Variants in EWSR1 observed in about 807,000 individuals in gnomAD.
EWSR1 encodes EWS RNA binding protein 1, also known as RNA-binding protein EWS.
A neutral mutation model predicts 92.1 loss-of-function variants in EWSR1; 14 were observed. That is an observed-to-expected ratio of 0.15 (90% CI 0.10 to 0.24). The LOEUF (loss-of-function observed/expected upper bound fraction) is 0.24, where lower values mean the gene tolerates loss of function less well. Among genes scored for constraint, EWSR1 ranks in the 10% least tolerant of loss-of-function variants. EWSR1 has a pLI of 1.00. For synonymous variants in EWSR1, 303 were observed against 292.9 expected, an observed-to-expected ratio of 1.03 and a Z score of -0.35; for missense variants, 637 against 870.9, an observed-to-expected ratio of 0.73 and a Z score of 3.38.
At chr22:29,287,226 G>T in intron 7 of EWSR1, 92 bp downstream of exon 7, 1 of 1,283,910 alleles carries the variant, frequency 7.8e-7, no homozygotes, top group South Asian at 1.3e-5. Flanking sequence ...TTTTTCTTTT[G>T]AGATGGAGTT....
chr22:29,271,181 A>G (rs893718766), intron 1 of EWSR1, among the ~76,000 whole-genome samples: 1 of 152,170 alleles, frequency 6.6e-6, no homozygotes, highest in Non-Finnish European at 1.5e-5. Flanking sequence ...TTCCGTCCTA[A>G]TGGCAGTACT....
chr22:29,282,912 G>T (rs1053529958), intron 6 of EWSR1, among the ~76,000 whole-genome samples: 1 of 151,842 alleles, frequency 6.6e-6, no homozygotes, highest in African/African-American at 2.4e-5. Flanking sequence ...ACGGGTGCCC[G>T]CCACCACGCC....
intron 8 of EWSR1, chr22:29,290,772 T>A: frequency 1.0e-6 from 1 of 964,672 alleles, no homozygotes; most frequent in Non-Finnish European, 1.3e-6. Context: ...GTATTAAAGG[T>A]GCAATACTGG....
intron 16 of EWSR1, 63 bp downstream of exon 16, chr22:29,299,914 C>T: frequency 6.5e-7 from 1 of 1,531,774 alleles, no homozygotes; most frequent in Non-Finnish European, 8.8e-7. Flanking sequence ...CCCTTCCCAG[C>T]TTGGTTGGCG....
chr22:29,282,309 A>G, intron 5 of EWSR1, 81 bp from the exon 6 acceptor site: 1 of 1,126,810 alleles, frequency 8.9e-7, no homozygotes, highest in Non-Finnish European at 1.2e-6. Context: ...GCTTTGTAGC[A>G]TTCTTACCCA....
intron 5 of EWSR1, among the ~76,000 whole-genome samples, chr22:29,280,915 C>T (rs1399983409): frequency 2.3e-5 from 3 of 131,796 alleles, no homozygotes; most frequent in East Asian, 2.1e-4. Context: ...AGTCTTGCTC[C>T]GTCGCCCAGG....
At chr22:29,271,555 C>T (rs2058684293) in intron 1 of EWSR1, among the ~76,000 whole-genome samples, 1 of 152,136 alleles carries the variant, frequency 6.6e-6, no homozygotes, top group Non-Finnish European at 1.5e-5. Flanking sequence ...TCTTCTTTGC[C>T]AGTCTTCAGG....
In EWSR1 at chr22:29,288,598, T is replaced by A; in HGVS notation, c.794-8T>A. ...GTCCATGGCTTACAGATGTGACTCT[T>A]TCCTCAGGTTCATTCCGACAGGACC... On this transcript the variant is annotated splice_region_variant and splice_polypyrimidine_tract_variant and intron_variant, in intron 7 of 16. Transcript: ENST00000397938. The A allele has an allele frequency of 6.2e-7, 1 of 1,606,748 alleles. No individual in the cohort carries two copies.
intron 3 of EWSR1, 128 bp from the exon 4 acceptor site, chr22:29,273,599 CTTGTTTTGTTGTTT>C (rs1330709690): frequency 3.3e-6 from 3 of 913,736 alleles, no homozygotes; most frequent in South Asian, 1.8e-5. Flanking sequence ...GATTATTTGT[CTTGTTTTGTTGTTT>C]TTGTTTTGTT....
intron 15 of EWSR1, 90 bp downstream of exon 15, chr22:29,299,421 T>A (rs2061157112): frequency 1.3e-6 from 2 of 1,530,142 alleles, no homozygotes; most frequent in Admixed American, 4.3e-5. Flanking sequence ...AGTTGCCCTC[T>A]GCTTAACAAC....
intron 1 of EWSR1, 78 bp from the exon 2 acceptor site, chr22:29,272,138 G>C: frequency 1.5e-6 from 2 of 1,320,714 alleles, no homozygotes; most frequent in South Asian, 2.4e-5. Flanking sequence ...TTCCTGCCAC[G>C]TGAATTCTTT....
chr22:29,292,762 C>CTTTTTT (rs34395867), intron 11 of EWSR1, among the ~76,000 whole-genome samples, 156 bp downstream of exon 11: 21 of 100,834 alleles, frequency 2.1e-4, no homozygotes, highest in African/African-American at 8.1e-4. Context: ...AAAGATTAGC[C>CTTTTTT]TTTTTTTTTT....
intron 7 of EWSR1, 35 bp downstream of exon 7, chr22:29,287,169 A>T: frequency 6.3e-7 from 1 of 1,595,954 alleles, no homozygotes; most frequent in Non-Finnish European, 8.6e-7. Flanking sequence ...AATAAGAATG[A>T]ATGTGTTTAG....
chr22:29,273,660 G>A, intron 3 of EWSR1, 81 bp from the exon 4 acceptor site: 1 of 1,485,846 alleles, frequency 6.7e-7, no homozygotes, highest in East Asian at 2.3e-5. Flanking sequence ...TTTGATTTTG[G>A]TTCTCCAATT....
At position 29,298,858 on chromosome 22, in the gene EWSR1, G is replaced by A. The variant is rs535564625; in HGVS notation, c.1543G>A (p.Val515Ile). 6.4e-6 allele frequency: 10 copies of A among 1,573,532 alleles called. No homozygotes were observed. The highest frequency in any genetic ancestry group is 4.7e-5 in the South Asian group (4 of 84,782). The change falls in exon 14 of 17, where the codon GTC (valine) becomes ATC (isoleucine). Residue 515 changes from valine (V) to isoleucine (I), a missense_variant. Around this residue, in one of 5 missense-constraint regions of EWSR1, gnomAD observed 363 missense variants for 447.8 expected, o/e 0.81. Transcript: ENST00000397938. ...AGGGAACCCCTCTGGAGGAGGAAAC[G>A]TCCAGCACCGAGCTGGAGACTGGCA... ...SRGNPSGGGN[V>I]QHRAGDWQCP...
At chr22:29,298,462 G>A (rs1039229165) in intron 13 of EWSR1, among the ~76,000 whole-genome samples, 1 of 150,350 alleles carries the variant, frequency 6.7e-6, no homozygotes, top group Admixed American at 6.6e-5. Flanking sequence ...AGCAAAGATC[G>A]TGCCACTGCA....
chr22:29,290,282 A>C, intron 8 of EWSR1: 7 of 766,940 alleles, frequency 9.1e-6, no homozygotes. Flanking sequence ...GATGGTTTTC[A>C]GTGTCTTGTA....
Position 29,285,032 on chromosome 22 carries a change from T to C in EWSR1, c.582-1891T>C, listed in dbSNP as rs1307672636. Among the ~76,000 whole-genome samples, 2 of 151,110 alleles carry C rather than the reference T, an allele frequency of 1.3e-5. 1 individual carries two copies. The highest frequency in any genetic ancestry group is 4.9e-5 in the African/African-American group (2 of 40,408). On this transcript the variant is annotated intron_variant, in intron 6 of 16. Transcript: ENST00000397938. The stretch of plus-strand genomic sequence containing the variant: ...CGGTGTTTTTCCATGTTGGTCAGGC[T>C]AGTCTCGAACCCCTGACCTCAGGTG...
At chr22:29,291,620 A>G (rs749602250) in intron 9 of EWSR1, 21 bp downstream of exon 9, 4 of 1,604,374 alleles carry the variant, frequency 2.5e-6, no homozygotes, top group Non-Finnish European at 1.7e-6. Flanking sequence ...GAGTATTACC[A>G]TAGATAGTGT....
Sources: gnomAD v4.1 joint callset for allele counts (sites outside exome capture counted in the v4.1 genomes callset) on GRCh38, gnomAD v4.1.1 for gene constraint, gnomAD v4.1.1 regional missense constraint, MANE v1.5 for transcripts, NCBI Gene and HGNC (gene_info 2026-07-23, HGNC 2026-07-21) for gene names.